FLG: variants seen among roughly 807,000 people sequenced by gnomAD.
FLG encodes the protein epidermal filaggrin.
A neutral mutation model predicts 3.8 loss-of-function variants in FLG; 6 were observed. The observed-to-expected ratio is 1.60, with a 90% CI of 0.87 to 3.15. FLG has a LOEUF of 3.15. Among genes scored for constraint, FLG ranks in the 30% most tolerant of loss-of-function variants. The pLI is 0.00. For synonymous variants in FLG, 2,551 were observed against 1,931.6 expected (o/e 1.32, Z -8.41); for missense variants, 7,595 against 5,050.9 (o/e 1.50, Z -15.27).
rs55650366 is a variant in FLG, at chr1:152,307,444, A to T, written c.7442T>A (p.Leu2481Ter). 6.2e-7 allele frequency: 1 copy of T among 1,612,578 alleles called. No individual in the cohort carries two copies. The highest frequency in any genetic ancestry group is 8.5e-7 in the Non-Finnish European group (1 of 1,179,716). The stretch of plus-strand genomic sequence containing the variant: ...CCCTGAGTGTCCAGATCTATCTACC[A>T]ATTGCTCGTAGTGGGATCCCTGCCT... Reference protein sequence around the residue: ...GGRQGSHYEQLVDRSGHSGSH... With the variant: ...GGRQGSHYEQ Residue 2481 changes from leucine (L) to a stop codon, truncating the protein, a stop_gained, in exon 3 of 3, where the codon TTG (leucine) becomes TAG (stop). Coordinates refer to ENST00000368799, the MANE Select transcript of FLG (RefSeq NM_002016.2). LOFTEE classifies it low-confidence loss of function (END_TRUNC).
In FLG at chr1:152,307,831, G is replaced by C. The variant is rs746743174; in HGVS notation, c.7055C>G (p.Ser2352Ter). The stretch of plus-strand genomic sequence containing the variant: ...GTGTCCACTGTCTCTGACTGCAGAT[G>C]AAGCTTGTCCGTGCCCAATGCCTGA... The part of the protein sequence containing the change: ...RHSGIGHGQA[S>*]SAVRDSGHRG... Residue 2352 changes from serine (S) to a stop codon, truncating the protein, a stop_gained, in exon 3 of 3, where the codon TCA becomes TGA. Transcript: ENST00000368799. LOFTEE classifies it low-confidence loss of function (END_TRUNC). 3.1e-6 allele frequency: 5 copies of C among 1,613,428 alleles called. No individual in the cohort carries two copies. In the South Asian group the frequency reaches 5.5e-5, roughly 18 times the overall value.
At position 152,309,381 on chromosome 1, in the gene FLG, A is replaced by G. The variant is rs1426175146; in HGVS notation, c.5505T>C (p.Ser1835=). 4 of 1,613,278 alleles carry G rather than the reference A, an allele frequency of 2.5e-6. No homozygotes were observed. The highest frequency in any genetic ancestry group is 1.3e-5 in the African/African-American group (1 of 74,646). Residue 1835 remains serine (S), a synonymous_variant, in exon 3 of 3, where the codon AGT becomes AGC. Transcript: ENST00000368799. ...TGTGATGAGACCCTGAGTGTCCAGA[A>G]CTATCTACCGATTGCTCATAGTGGG... is the stretch of plus-strand genomic sequence containing the variant. ...QGSHYEQSVD[S]SGHSGSHHSH... is the part of the protein sequence containing the mutation.
In FLG at chr1:152,305,382, CT is replaced by C; in HGVS notation, c.9503del (p.Glu3168GlyfsTer48). On this transcript the variant is annotated frameshift_variant, in exon 3 of 3. Coordinates refer to ENST00000368799, the MANE Select transcript of FLG (RefSeq NM_002016.2). LOFTEE classifies it low-confidence loss of function (END_TRUNC). ...SRSASRTTRN[E>X]EQSGDSSRHS... ...GCCTGGAGCTGTCTCCTGATTGTTC[CT>C]CATTACGTGTTGTTCTGCTTGCACT... 1 of 1,606,522 alleles carries C rather than the reference CT, an allele frequency of 6.2e-7. No individual in the cohort carries two copies. Among genetic ancestry groups the C allele is most frequent in the Admixed American group, 1.7e-5 (1 of 58,758 alleles).
intron 1 of FLG, among the ~76,000 whole-genome samples, chr1:152,316,310 G>GATAT (rs1652787312): frequency 6.6e-6 from 1 of 151,972 alleles, no homozygotes; most frequent in Admixed American, 6.6e-5. Flanking sequence ...GTGGTTAAGT[G>GATAT]ATATATGTAT....
chr1:152,310,748 A>T lies in FLG; in HGVS notation c.4138T>A (p.Ser1380Thr). 6.2e-7 allele frequency: 1 copy of T among 1,613,810 alleles called. No individual in the cohort carries two copies. Among genetic ancestry groups the T allele is most frequent in the Non-Finnish European group, 8.5e-7 (1 of 1,179,978 alleles). ...HSGIGHRQAS[S>T]AVRDSGHRGS... ...CGGTGTCCACTGTCTCTGACTGCAG[A>T]TGAAGCTTGTCTGTGCCCAATGCCT... The change falls in exon 3 of 3, where the codon TCT becomes ACT. Residue 1380 changes from serine to threonine, a missense_variant. By Grantham distance (58) the Ser-to-Thr change is moderately conservative. Coordinates refer to ENST00000368799, the MANE Select transcript of FLG (RefSeq NM_002016.2).
At position 152,307,615 on chromosome 1, in the gene FLG, G is replaced by A. The variant is rs370240442; in HGVS notation, c.7271C>T (p.Ser2424Phe). The change falls in exon 3 of 3, where the codon TCT becomes TTT. Residue 2424 changes from serine (S) to phenylalanine (F), a missense_variant. By Grantham distance (155) the Ser-to-Phe change is radical (BLOSUM62 -2). Coordinates refer to ENST00000368799, the MANE Select transcript of FLG (RefSeq NM_002016.2). ...FLYQVSTHEQ[S>F]ESAHGRTGTS... ...CCCGGTCCGTCCATGGGCGGACTCA[G>A]ACTGTTCATGAGTGCTCACCTGGTA... is the stretch of plus-strand genomic sequence containing the variant. 6.2e-7 allele frequency: 1 copy of A among 1,613,738 alleles called. No individual in the cohort carries two copies. The highest frequency in any genetic ancestry group is 1.1e-5 in the South Asian group (1 of 91,050).
rs777116132 is a variant in FLG at position 152,309,146 on chromosome 1, G to A, written c.5740C>T (p.Gln1914Ter). Residue 1914 changes from glutamine to a stop codon, truncating the protein, a stop_gained, in exon 3 of 3, where the codon CAG (glutamine) becomes TAG (stop). Coordinates refer to ENST00000368799, the MANE Select transcript of FLG (RefSeq NM_002016.2). LOFTEE classifies it low-confidence loss of function (END_TRUNC). ...CTGTCCTGGCTAACACTGGATCCCT[G>A]GTTCCTGCTTGTCCTGGGCCCTGAT... ...QSSGPRTSRNQGSSVSQDSDS... is the reference protein window; with the variant it reads ...QSSGPRTSRN 4 of 1,613,648 alleles carry A rather than the reference G, an allele frequency of 2.5e-6. No homozygotes were observed. Among genetic ancestry groups the A allele is most frequent in the East Asian group, 2.2e-5 (1 of 44,834 alleles).
chr1:152,309,233 G>C lies in FLG; in HGVS notation c.5653C>G (p.His1885Asp), dbSNP rs767119032. ...GDGSRHSGSR[H>D]HEASSRADSS... is the part of the protein sequence containing the mutation. Reference sequence around the variant, plus strand: ...TCGGCCCGAGAGGAAGCTTCATGGTGACGCGACCCTGAGTGCCTGGAGCCG... The same window carrying C: ...TCGGCCCGAGAGGAAGCTTCATGGTCACGCGACCCTGAGTGCCTGGAGCCG... The change falls in exon 3 of 3, where the codon CAC (histidine) becomes GAC (aspartate). Residue 1885 changes from histidine (H) to aspartate (D), a missense_variant. His to Asp is a moderately conservative substitution (Grantham distance 81). Transcript: ENST00000368799. The C allele has an allele frequency of 6.2e-7, 1 of 1,613,564 alleles. No individual in the cohort carries two copies. The highest frequency in any genetic ancestry group is 8.5e-7 in the Non-Finnish European group (1 of 1,179,876).
At position 152,309,040 on chromosome 1, in the gene FLG, T is replaced by C. The variant is rs572514464; in HGVS notation, c.5846A>G (p.Gln1949Arg). Reference protein sequence around the residue: ...SRNHLGSAWEQSRDGSRHPGS... With the variant: ...SRNHLGSAWERSRDGSRHPGS... ...AGGGTGTCTGGAGCCATCTCTTGACTGCTCCCAAGCAGATCCAAGATGGTT... is the reference window on the plus strand; with the variant it reads ...AGGGTGTCTGGAGCCATCTCTTGACCGCTCCCAAGCAGATCCAAGATGGTT... The change falls in exon 3 of 3, where the codon CAG becomes CGG. Residue 1949 changes from glutamine to arginine, a missense_variant. Coordinates refer to ENST00000368799, the MANE Select transcript of FLG (RefSeq NM_002016.2). The C allele has an allele frequency of 9.9e-6, 16 of 1,614,214 alleles. 1 individual carries two copies. The South Asian group carries it at 1.6e-4, about 17-fold the overall frequency.
rs1194454905 is a variant in FLG at position 152,309,124 on chromosome 1, T to C, written c.5762A>G (p.Asp1921Gly). 1 of 1,613,780 alleles carries C rather than the reference T, an allele frequency of 6.2e-7. No individual in the cohort carries two copies. Among genetic ancestry groups the C allele is most frequent in the Non-Finnish European group, 8.5e-7 (1 of 1,179,684 alleles). Residue 1921 changes from aspartate (D) to glycine (G), a missense_variant, in exon 3 of 3, where the codon GAC becomes GGC. Asp to Gly is a moderately conservative substitution (Grantham distance 94, BLOSUM62 -1). Coordinates refer to ENST00000368799, the MANE Select transcript of FLG (RefSeq NM_002016.2). ...SRNQGSSVSQ[D>G]SDSQGHSEDS... ...TTCTGAGTGTCCCTGACTGTCACTG[T>C]CCTGGCTAACACTGGATCCCTGGTT... is the stretch of plus-strand genomic sequence containing the variant.
rs1426132182 is a variant in FLG, at chr1:152,311,333, C to A, written c.3553G>T (p.Val1185Leu). 2 of 1,613,824 alleles carry A rather than the reference C, an allele frequency of 1.2e-6. No individual in the cohort carries two copies. The highest frequency in any genetic ancestry group is 1.1e-5 in the South Asian group (1 of 91,052). ...GACCCTGAGTGTCCAGATCTATCTACCGATTGCTCATGGTGGGATCCCTGC... is the reference window on the plus strand; with the variant it reads ...GACCCTGAGTGTCCAGATCTATCTAACGATTGCTCATGGTGGGATCCCTGC... ...GRQGSHHEQS[V>L]DRSGHSGSHH... Residue 1185 changes from valine to leucine, a missense_variant, in exon 3 of 3, where the codon GTA becomes TTA. Coordinates refer to ENST00000368799, the MANE Select transcript of FLG (RefSeq NM_002016.2).
In FLG at chr1:152,310,636, C is replaced by G. The variant is rs373351328; in HGVS notation, c.4250G>C (p.Gly1417Ala). The change falls in exon 3 of 3, where the codon GGG becomes GCG. Residue 1417 changes from glycine (G) to alanine (A), a missense_variant. Transcript: ENST00000368799. Reference protein sequence around the residue: ...TQSVSAHGQAGPHQQSHKESA... With the variant: ...TQSVSAHGQAAPHQQSHKESA... ...CTCTTTGTGGCTCTGCTGATGGGGCCCAGCTTGTCCGTGGGCTGACACTGA... is the reference window on the plus strand; with the variant it reads ...CTCTTTGTGGCTCTGCTGATGGGGCGCAGCTTGTCCGTGGGCTGACACTGA... 8.1e-6 allele frequency: 13 copies of G among 1,613,942 alleles called. No individual in the cohort carries two copies. Among genetic ancestry groups the G allele is most frequent in the African/African-American group, 2.7e-5 (2 of 74,976 alleles).
At chr1:152,315,799 G>A (rs1233567254) in intron 1 of FLG, among the ~76,000 whole-genome samples, 1 of 152,080 alleles carries the variant, frequency 6.6e-6, no homozygotes, top group Non-Finnish European at 1.5e-5. Flanking sequence ...ATTTAGAAAG[G>A]CTGACTGGTT....
Position 152,310,841 on chromosome 1 carries a change from C to T in FLG, c.4045G>A (p.Ala1349Thr), listed in dbSNP as rs1652359226. The part of the protein sequence containing the change: ...HGQAVSSHEQ[A>T]RSSPGERHGS... ...TGTCTTTCTCCTGGACTTGATCTTG[C>T]CTGTTCATGGGATGACACAGCCTGT... Residue 1349 changes from alanine (A) to threonine (T), a missense_variant, in exon 3 of 3, where the codon GCA (alanine) becomes ACA (threonine). Coordinates refer to ENST00000368799, the MANE Select transcript of FLG (RefSeq NM_002016.2). 1.2e-6 allele frequency: 2 copies of T among 1,611,730 alleles called. No individual in the cohort carries two copies. Among genetic ancestry groups the T allele is most frequent in the South Asian group, 1.1e-5 (1 of 90,936 alleles).
Position 152,309,786 on chromosome 1 carries a change from T to C in FLG, c.5100A>G (p.Arg1700=), listed in dbSNP as rs1388211514. The C allele has an allele frequency of 5.6e-6, 9 of 1,613,796 alleles. No homozygotes were observed. The highest frequency in any genetic ancestry group is 7.6e-6 in the Non-Finnish European group (9 of 1,179,992). ...TGTCTCCGACTACAGATGAATCTTG[T>C]CTGCGCCCAGTGCCTGAGTCTGTGG... ...DSSTDSGTGR[R]QDSSVVGDSG... Residue 1700 remains arginine, a synonymous_variant, in exon 3 of 3, where the codon AGA becomes AGG. Coordinates refer to ENST00000368799, the MANE Select transcript of FLG (RefSeq NM_002016.2).
rs1046285560 is a variant in FLG, at chr1:152,311,311, C to T, written c.3575G>A (p.Gly1192Glu). 3.1e-6 allele frequency: 5 copies of T among 1,613,702 alleles called. No individual in the cohort carries two copies. Among genetic ancestry groups the T allele is most frequent in the Non-Finnish European group, 3.4e-6 (4 of 1,179,962 alleles). The stretch of plus-strand genomic sequence containing the variant: ...GGATGTGGTGTGGCTGTGATGGGAC[C>T]CTGAGTGTCCAGATCTATCTACCGA... The part of the protein sequence containing the change: ...EQSVDRSGHS[G>E]SHHSHTTSQG... Residue 1192 changes from glycine (G) to glutamate (E), a missense_variant, in exon 3 of 3, where the codon GGG becomes GAG. Transcript: ENST00000368799.
chr1:152,323,073 G>T (rs1000099844), intron 1 of FLG, among the ~76,000 whole-genome samples: 1 of 151,540 alleles, frequency 6.6e-6, no homozygotes, highest in Admixed American at 6.6e-5. Context: ...TGGACATTTG[G>T]TTAATGGCAA....
chr1:152,309,662 G>T lies in FLG; in HGVS notation c.5224C>A (p.Pro1742Thr). 1 of 1,613,582 alleles carries T rather than the reference G, an allele frequency of 6.2e-7. No individual in the cohort carries two copies. The highest frequency in any genetic ancestry group is 8.5e-7 in the Non-Finnish European group (1 of 1,179,858). ...GACTCTTGGTGGCTCTGCTGATGGG[G>T]CCCAGCCTGTCCGTGGGCTGACACT... ...QSVSAHGQAGPHQQSHQESTR... is the reference protein window; with the variant it reads ...QSVSAHGQAGTHQQSHQESTR... The change falls in exon 3 of 3, where the codon CCC becomes ACC. Residue 1742 changes from proline to threonine, a missense_variant. Transcript: ENST00000368799.
rs145478188 is a variant in FLG, at chr1:152,310,592, C to T, written c.4294G>A (p.Gly1432Arg). The T allele has an allele frequency of 2.0e-5, 32 of 1,613,852 alleles. No homozygotes were observed. In the African/African-American group the frequency reaches 3.7e-4, roughly 19 times the overall value. The change falls in exon 3 of 3, where the codon GGG (glycine) becomes AGG (arginine). Residue 1432 changes from glycine to arginine, a missense_variant. By Grantham distance (125) the Gly-to-Arg change is moderately radical. Transcript: ENST00000368799. ...GACCTTGAACGTCCAGAGCTTTCCC[C>T]TGACTGGCCACGTGCGGACTCTTTG... The part of the protein sequence containing the change: ...SHKESARGQS[G>R]ESSGRSRSFL...
Sources: gnomAD v4.1 joint callset for allele counts (sites outside exome capture counted in the v4.1 genomes callset) on GRCh38, gnomAD v4.1.1 for gene constraint, MANE v1.5 for transcripts, NCBI Gene and HGNC (gene_info 2026-07-23, HGNC 2026-07-21) for gene names.